Variants in CAMTA1 observed in about 807,000 individuals in gnomAD.
The protein encoded by CAMTA1 is calmodulin-binding transcription activator 1.
Under a neutral mutation model 170.9 loss-of-function variants are expected in CAMTA1, and 27 were observed. The ratio of observed to expected loss-of-function variants is 0.16; its 90% CI spans 0.12 to 0.22. The LOEUF is 0.22. Among genes scored for constraint, CAMTA1 ranks in the 10% least tolerant of loss-of-function variants. The pLI is 1.00. For synonymous variants in CAMTA1, 833 were observed against 891.5 expected (o/e 0.93, Z 1.17); for missense variants, 1,619 against 2,217.2 (o/e 0.73, Z 5.42).
intron 5 of CAMTA1, among the ~76,000 whole-genome samples, chr1:7,409,514 C>T (rs1357929464): frequency 1.4e-5 from 2 of 142,258 alleles, no homozygotes; most frequent in Non-Finnish European, 3.1e-5. Context: ...AGCATGAGGA[C>T]TCACCTGACA....
intron 4 of CAMTA1, among the ~76,000 whole-genome samples, chr1:7,186,119 A>G (rs1653210534): frequency 6.6e-6 from 1 of 152,148 alleles, no homozygotes; most frequent in Admixed American, 6.5e-5. Context: ...AACAATGTGT[A>G]TGTGGGGATA....
chr1:6,857,848 T>TG (rs1402172606), intron 3 of CAMTA1, among the ~76,000 whole-genome samples: 1 of 152,058 alleles, frequency 6.6e-6, no homozygotes, highest in Non-Finnish European at 1.5e-5. Context: ...AGCCTATTAA[T>TG]GGGGAGATCT....
At chr1:7,576,537 A>G (rs2095195633) in intron 6 of CAMTA1, among the ~76,000 whole-genome samples, 1 of 152,234 alleles carries the variant, frequency 6.6e-6, no homozygotes, top group Non-Finnish European at 1.5e-5. Context: ...GGCACTGTCT[A>G]GGAACCAGGA....
rs1216995747 is a variant in CAMTA1 at position 6,895,531 on chromosome 1, T to G, written c.234+70321T>G. On this transcript the variant is annotated intron_variant, in intron 3 of 22. Transcript: ENST00000303635. ...ATGTAAATAGGATTCGTTCACTAGC[T>G]TAAACCCTACAGTGACTTTCTATCC... 5.9e-5 allele frequency among the ~76,000 whole-genome samples: 9 copies of G among 152,364 alleles called. No homozygotes were observed. The East Asian group carries it at 1.5e-3, about 26-fold the overall frequency.
intron 1 of CAMTA1, among the ~76,000 whole-genome samples, chr1:6,794,881 T>G (rs1642060308): frequency 8.2e-6 from 1 of 121,478 alleles, no homozygotes; most frequent in Admixed American, 7.5e-5. Context: ...AGATAAAGGC[T>G]TTTTTTTTGT....
intron 2 of CAMTA1, among the ~76,000 whole-genome samples, chr1:6,823,954 T>C (rs1294619607): frequency 6.6e-6 from 1 of 152,190 alleles, no homozygotes; most frequent in Non-Finnish European, 1.5e-5. Context: ...CTAATCTTGT[T>C]GATTTGGGAA....
chr1:7,570,329 T>C lies in CAMTA1; in HGVS notation c.511-70071T>C, dbSNP rs970457975. Reference sequence around the variant, plus strand: ...ACATTCCACTGTAGGTCAATTACACTGTAACCTGAATTGGGGCCCTTTCAG... The same window carrying C: ...ACATTCCACTGTAGGTCAATTACACCGTAACCTGAATTGGGGCCCTTTCAG... On this transcript the variant is annotated intron_variant, in intron 6 of 22. Coordinates refer to ENST00000303635, the MANE Select transcript of CAMTA1 (RefSeq NM_015215.4). The surrounding 1 kb of genome is among the most constrained non-coding windows in gnomAD (Gnocchi z 4.3). Among the ~76,000 whole-genome samples the C allele has an allele frequency of 2.6e-5, 4 of 152,214 alleles. No individual in the cohort carries two copies. Among genetic ancestry groups the C allele is most frequent in the Non-Finnish European group, 5.9e-5 (4 of 68,036 alleles).
At chr1:7,109,315 C>T (rs190031984) in intron 4 of CAMTA1, among the ~76,000 whole-genome samples, 49 of 152,306 alleles carry the variant, frequency 3.2e-4, no homozygotes, top group African/African-American at 6.5e-4. Flanking sequence ...ATGCATTACA[C>T]GAAAGCACTG....
chr1:7,259,877 T>C (rs551513961), intron 5 of CAMTA1, among the ~76,000 whole-genome samples: 184 of 152,350 alleles, frequency 1.2e-3, no homozygotes, highest in African/African-American at 4.4e-3. Flanking sequence ...CTTTAGCTCC[T>C]CTGAACGGGG....
intron 3 of CAMTA1, among the ~76,000 whole-genome samples, chr1:6,930,121 C>T (rs1423513717): frequency 1.3e-5 from 2 of 152,212 alleles, no homozygotes; most frequent in Non-Finnish European, 2.9e-5. Context: ...TTCCTTCTGC[C>T]TCCAGTACCT....
chr1:7,647,757 G>A (rs1432396092), intron 7 of CAMTA1, among the ~76,000 whole-genome samples: 1 of 152,198 alleles, frequency 6.6e-6, no homozygotes, highest in Non-Finnish European at 1.5e-5. Flanking sequence ...GTATCCCTAA[G>A]GCTCAGCCAG....
chr1:6,890,937 T>C (rs915473337), intron 3 of CAMTA1, among the ~76,000 whole-genome samples: 1 of 152,160 alleles, frequency 6.6e-6, no homozygotes, highest in African/African-American at 2.4e-5. Flanking sequence ...CTCTGAAAAG[T>C]TGTGGGACCT....
chr1:6,860,587 A>C (rs1664289554), intron 3 of CAMTA1, among the ~76,000 whole-genome samples: 1 of 152,120 alleles, frequency 6.6e-6, no homozygotes, highest in African/African-American at 2.4e-5. Context: ...TATTGTAAAG[A>C]GGAAAGTATT....
intron 6 of CAMTA1, among the ~76,000 whole-genome samples, chr1:7,472,871 T>C (rs181347071): frequency 6.6e-6 from 1 of 152,256 alleles, no homozygotes; most frequent in Non-Finnish European, 1.5e-5. Context: ...GCGGGGACAA[T>C]GCCAGTTCAC....
At chr1:7,109,278 G>T (rs1280840818) in intron 4 of CAMTA1, among the ~76,000 whole-genome samples, 2 of 152,226 alleles carry the variant, frequency 1.3e-5, no homozygotes, top group Non-Finnish European at 1.5e-5. Flanking sequence ...AGTCATTGGG[G>T]GCTCCCTCAG....
chr1:6,909,884 G>C (rs1467519373), intron 3 of CAMTA1, among the ~76,000 whole-genome samples: 2 of 152,218 alleles, frequency 1.3e-5, no homozygotes, highest in Non-Finnish European at 2.9e-5. Flanking sequence ...TGGCCCCTCT[G>C]GTGTTAAGCT....
In CAMTA1 at chr1:6,943,170, C is replaced by T. The variant is rs1443181400; in HGVS notation, c.234+117960C>T. ...CGGTTAACACAGCCACTCCGGCCCTCCTCCCCTCCTCCCCTCCGTCCTTCC... is the reference window on the plus strand; with the variant it reads ...CGGTTAACACAGCCACTCCGGCCCTTCTCCCCTCCTCCCCTCCGTCCTTCC... On this transcript the variant is annotated intron_variant, in intron 3 of 22. Transcript: ENST00000303635. Among the ~76,000 whole-genome samples the T allele has an allele frequency of 2.0e-5, 3 of 151,946 alleles. No homozygotes were observed. In the East Asian group the frequency reaches 5.8e-4, roughly 29 times the overall value.
At chr1:6,973,691 G>A (rs986810764) in intron 3 of CAMTA1, among the ~76,000 whole-genome samples, 2 of 152,162 alleles carry the variant, frequency 1.3e-5, no homozygotes, top group African/African-American at 4.8e-5. Flanking sequence ...CAGTGGCCAC[G>A]ATTCTGAACC....
chr1:7,165,118 A>G (rs955580426), intron 4 of CAMTA1, among the ~76,000 whole-genome samples: 2 of 152,228 alleles, frequency 1.3e-5, no homozygotes, highest in African/African-American at 4.8e-5. Flanking sequence ...AAACTGGCCA[A>G]ATCACTTCAA....
Sources: gnomAD v4.1 joint callset for allele counts (sites outside exome capture counted in the v4.1 genomes callset) on GRCh38, gnomAD v4.1.1 for gene constraint, Gnocchi (gnomAD v3.1) non-coding constraint, MANE v1.5 for transcripts, NCBI Gene and HGNC (gene_info 2026-07-23, HGNC 2026-07-21) for gene names.